The following RANBP2 variants were observed in gnomAD, a reference collection of about 807,000 sequenced individuals.
RANBP2 encodes the protein E3 SUMO-protein ligase RanBP2.
RANBP2 carries 57 observed loss-of-function variants against 303.6 expected under a neutral mutation model. The ratio of observed to expected loss-of-function variants is 0.19; its 90% CI spans 0.15 to 0.23. The LOEUF (loss-of-function observed/expected upper bound fraction) is 0.23. RANBP2 is among the 10% of genes least tolerant of loss of function. The probability of loss-of-function intolerance (pLI) is 1.00; values close to 1 mark genes in which losing one functional copy is unlikely to be tolerated. For synonymous variants in RANBP2, 1,167 were observed against 1,301.5 expected (o/e 0.90, Z 2.23); for missense variants, 3,138 against 3,780.8 (o/e 0.83, Z 4.46).
chr2:109,577,912 CAAAAAAAAAAA>C, the RANBP2 span, among the ~76,000 whole-genome samples: 777 of 92,358 alleles, frequency 8.4e-3, 6 homozygotes, highest in African/African-American at 0.03. Flanking sequence ...GACTTTGTCT[CAAAAAAAAAAA>C]AAAAAAAAAA....
chr2:109,171,593 G>A, the RANBP2 span, among the ~76,000 whole-genome samples: 5 of 152,304 alleles, frequency 3.3e-5, no homozygotes, highest in East Asian at 1.9e-4. Flanking sequence ...TTTCCTTCTC[G>A]CCGCCCCTGG....
chr2:109,602,351 A>C, the RANBP2 span, among the ~76,000 whole-genome samples: 1 of 152,162 alleles, frequency 6.6e-6, no homozygotes, highest in Non-Finnish European at 1.5e-5. Flanking sequence ...ATGTGAAAAG[A>C]CCCTGTGGAA....
At chr2:108,821,083 T>C in the RANBP2 span, among the ~76,000 whole-genome samples, 1 of 152,176 alleles carries the variant, frequency 6.6e-6, no homozygotes, top group East Asian at 1.9e-4. Context: ...TGTGGCCGGG[T>C]GCGGTGGCTC....
At chr2:108,806,651 A>T in the RANBP2 span, among the ~76,000 whole-genome samples, 10 of 152,336 alleles carry the variant, frequency 6.6e-5, no homozygotes, top group African/African-American at 2.2e-4. Context: ...CTGTGTTCCA[A>T]AACGACTGTA....
the RANBP2 span, chr2:109,129,293 C>T: frequency 8.8e-4 from 613 of 699,448 alleles, 12 homozygotes; most frequent in South Asian, 9.5e-3. Context: ...CCCGCAGCCG[C>T]AGGCGCTGCG....
chr2:109,486,799 C>CA, the RANBP2 span, among the ~76,000 whole-genome samples: 1 of 152,188 alleles, frequency 6.6e-6, no homozygotes. Flanking sequence ...AGAGACATCC[C>CA]AGCAGGGCGA....
At chr2:109,519,815 C>T in the RANBP2 span, among the ~76,000 whole-genome samples, 4,238 of 152,246 alleles carry the variant, frequency 0.028, 214 homozygotes, top group African/African-American at 0.096. Context: ...ATGTATGTAG[C>T]ATCCCTGAAA....
chr2:109,205,509 C>A, the RANBP2 span, among the ~76,000 whole-genome samples: 2 of 152,196 alleles, frequency 1.3e-5, no homozygotes, highest in Admixed American at 1.3e-4. Context: ...ATCCACCTCC[C>A]AAAGTGCTGG....
At chr2:109,194,054 A>G in the RANBP2 span, among the ~76,000 whole-genome samples, 2 of 152,230 alleles carry the variant, frequency 1.3e-5, no homozygotes, top group African/African-American at 4.8e-5. Flanking sequence ...GTGTGTGCAC[A>G]GTGTGCCAAA....
rs1268698318 is a variant in RANBP2, at chr2:108,764,440, G to A, written c.3901G>A (p.Ala1301Thr). 6.2e-6 allele frequency: 10 copies of A among 1,614,010 alleles called. No individual in the cohort carries two copies. Among genetic ancestry groups the A allele is most frequent in the Non-Finnish European group, 8.5e-6 (10 of 1,179,984 alleles). ...AALFKCKFEEAQSILKAPGTN... is the reference protein window; with the variant it reads ...AALFKCKFEETQSILKAPGTN... ...ACTTTTTAAATGCAAGTTTGAAGAA[G>A]CCCAGAGCATTTTAAAAGCCCCAGG... The change falls in exon 20 of 29, where the codon GCC (alanine) becomes ACC (threonine). Residue 1301 changes from alanine (A) to threonine (T), a missense_variant. Physicochemically the swap from Ala to Thr is moderately conservative, Grantham distance 58. Transcript: ENST00000283195.
At chr2:108,753,645 G>C in intron 14 of RANBP2, 82 bp downstream of exon 14, 1 of 1,590,704 alleles carries the variant, frequency 6.3e-7, no homozygotes, top group South Asian at 1.2e-5. Flanking sequence ...TCTGTTGGTC[G>C]GGCTAGAGTG....
At chr2:109,011,936 CTCTTT>C in the RANBP2 span, among the ~76,000 whole-genome samples, 2 of 151,944 alleles carry the variant, frequency 1.3e-5, no homozygotes, top group Non-Finnish European at 2.9e-5. Context: ...TGTGATTTTA[CTCTTT>C]TCTTTTAGAT....
At chr2:108,961,470 T>G in the RANBP2 span, among the ~76,000 whole-genome samples, 2 of 152,176 alleles carry the variant, frequency 1.3e-5, no homozygotes, top group Admixed American at 1.3e-4. Flanking sequence ...TGCCCTGCCC[T>G]GCTCACAGCC....
chr2:109,498,974 G>A, the RANBP2 span, among the ~76,000 whole-genome samples: 3 of 152,208 alleles, frequency 2.0e-5, no homozygotes, highest in African/African-American at 7.2e-5. Context: ...GAAGGGCGCA[G>A]TGTGGAGGGC....
the RANBP2 span, chr2:109,616,054 A>G: frequency 6.6e-7 from 1 of 1,508,782 alleles, no homozygotes; most frequent in South Asian, 1.4e-5. Context: ...CCAAAGTCCA[A>G]TGTATTTGGG....
At chr2:109,438,385 C>T in the RANBP2 span, among the ~76,000 whole-genome samples, 1 of 152,148 alleles carries the variant, frequency 6.6e-6, no homozygotes, top group Non-Finnish European at 1.5e-5. Flanking sequence ...TCAGTGGGTG[C>T]AGGTGGACTT....
the RANBP2 span, among the ~76,000 whole-genome samples, chr2:109,366,714 G>T: frequency 7.2e-5 from 11 of 152,130 alleles, no homozygotes; most frequent in Non-Finnish European, 1.6e-4. Flanking sequence ...TTAGCTGCGT[G>T]TGGTGGCACA....
rs1677090137 is a variant in RANBP2 at position 108,766,023 on chromosome 2, G to A, written c.5484G>A (p.Lys1828=). ...PSAFTLGSEM[K]LHDSSGSQVG... Reference sequence around the variant, plus strand: ...CTTTCACACTGGGCTCAGAAATGAAGTTGCATGACTCTTCTGGAAGTCAGG... The same window carrying A: ...CTTTCACACTGGGCTCAGAAATGAAATTGCATGACTCTTCTGGAAGTCAGG... The change falls in exon 20 of 29, where the codon AAG becomes AAA. Residue 1828 remains lysine, a synonymous_variant. Transcript: ENST00000283195. 6.8e-6 allele frequency: 11 copies of A among 1,614,170 alleles called. No individual in the cohort carries two copies. The East Asian group carries it at 2.5e-4, about 36-fold the overall frequency.
chr2:109,312,941 C>T, the RANBP2 span, among the ~76,000 whole-genome samples: 5 of 152,174 alleles, frequency 3.3e-5, no homozygotes, highest in African/African-American at 1.2e-4. Flanking sequence ...TGAAGAGCCG[C>T]CCTATGTTTT....
Sources: gnomAD v4.1 joint callset for allele counts (sites outside exome capture counted in the v4.1 genomes callset) on GRCh38, gnomAD v4.1.1 for gene constraint, MANE v1.5 for transcripts, NCBI Gene and HGNC (gene_info 2026-07-23, HGNC 2026-07-21) for gene names.